The following LRRC37A2 variants were observed in gnomAD, a reference collection of about 807,000 sequenced individuals.
The protein encoded by LRRC37A2 is leucine-rich repeat-containing protein 37A2.
A neutral mutation model predicts 68.8 loss-of-function variants in LRRC37A2; 9 were observed. The observed-to-expected ratio is 0.13, with a 90% CI of 0.08 to 0.23. The LOEUF is 0.23. LRRC37A2 is among the 10% of genes least tolerant of loss of function. The probability of loss-of-function intolerance (pLI) is 1.00; values close to 1 mark genes in which losing one functional copy is unlikely to be tolerated. For synonymous variants in LRRC37A2, 63 were observed against 367.6 expected (o/e 0.17, Z 9.48); for missense variants, 168 against 950.4 (o/e 0.18, Z 10.82).
chr17:46,875,359 G>T, the LRRC37A2 span: 2 of 1,600,416 alleles, frequency 1.2e-6, no homozygotes, highest in Non-Finnish European at 8.5e-7. Context: ...ACCCACGTGG[G>T]CATCAAGGTG....
the LRRC37A2 span, among the ~76,000 whole-genome samples, chr17:46,840,655 C>T: frequency 6.6e-6 from 1 of 152,200 alleles, no homozygotes; most frequent in South Asian, 2.1e-4. Flanking sequence ...ACATCCTTTC[C>T]TGCATCTGTT....
chr17:46,597,788 CTTTTTTTTTT>C, the LRRC37A2 span, among the ~76,000 whole-genome samples: 95 of 44,218 alleles, frequency 2.1e-3, no homozygotes, highest in African/African-American at 4.5e-3. Context: ...TTGCAATACT[CTTTTTTTTTT>C]TTTTTTTTTT....
At chr17:46,940,624 C>A in the LRRC37A2 span, 1 of 1,614,128 alleles carries the variant, frequency 6.2e-7, no homozygotes, top group South Asian at 1.1e-5. Context: ...GCCATTTGTT[C>A]TTGAACTCTG....
chr17:46,849,281 A>T, the LRRC37A2 span, among the ~76,000 whole-genome samples: 20 of 152,238 alleles, frequency 1.3e-4, no homozygotes, highest in African/African-American at 4.6e-4. Flanking sequence ...AGGCTTACCC[A>T]TCAGACATCA....
At chr17:46,868,194 A>C in the LRRC37A2 span, among the ~76,000 whole-genome samples, 2 of 152,226 alleles carry the variant, frequency 1.3e-5, no homozygotes, top group Non-Finnish European at 1.5e-5. Flanking sequence ...GCAATTAGCA[A>C]GTTGGCAAAC....
At chr17:46,864,394 T>C in the LRRC37A2 span, among the ~76,000 whole-genome samples, 1 of 152,162 alleles carries the variant, frequency 6.6e-6, no homozygotes, top group African/African-American at 2.4e-5. Context: ...CTTCCCTCTA[T>C]CTAGCCAAGT....
chr17:46,833,534 G>C, the LRRC37A2 span: 1 of 425,612 alleles, frequency 2.3e-6, no homozygotes, highest in Admixed American at 2.5e-5. Flanking sequence ...CCGAGACACT[G>C]CTGGAGGCCG....
At chr17:46,690,611 C>A in the LRRC37A2 span, among the ~76,000 whole-genome samples, 573 of 91,488 alleles carry the variant, frequency 6.3e-3, no homozygotes, top group African/African-American at 7.4e-3. Context: ...GACTCCGTCT[C>A]AAAAAAAAAA....
chr17:46,930,944 A>AT, the LRRC37A2 span: 2 of 639,140 alleles, frequency 3.1e-6, no homozygotes, highest in Non-Finnish European at 5.6e-6. Context: ...CCTAACTTGA[A>AT]TTTTTTCTGT....
At chr17:46,991,973 T>C in the LRRC37A2 span, among the ~76,000 whole-genome samples, 1 of 152,212 alleles carries the variant, frequency 6.6e-6, no homozygotes, top group Non-Finnish European at 1.5e-5. Context: ...TGGTTTATAA[T>C]GATATAAAAA....
chr17:46,791,135 A>G, the LRRC37A2 span, among the ~76,000 whole-genome samples: 1,068 of 152,114 alleles, frequency 7.0e-3, 8 homozygotes, highest in Non-Finnish European at 0.01. Context: ...CCTTTTCCCT[A>G]CTGGGTTGGG....
At chr17:47,011,751 C>A in the LRRC37A2 span, among the ~76,000 whole-genome samples, 1 of 151,812 alleles carries the variant, frequency 6.6e-6, no homozygotes, top group Non-Finnish European at 1.5e-5. Context: ...CAATACAGAC[C>A]AGTAATTTTA....
chr17:46,605,372 T>C, the LRRC37A2 span, among the ~76,000 whole-genome samples: 2,548 of 112,968 alleles, frequency 0.023, 3 homozygotes, highest in African/African-American at 0.084. Context: ...TGCTTGAACC[T>C]GGGAGGTGGA....
the LRRC37A2 span, among the ~76,000 whole-genome samples, chr17:46,992,459 C>T: frequency 1.1e-4 from 16 of 152,146 alleles, no homozygotes; most frequent in African/African-American, 3.9e-4. Flanking sequence ...AAGCTCAGGC[C>T]ACTCCAGATG....
chr17:46,825,789 C>T, the LRRC37A2 span, among the ~76,000 whole-genome samples: 5 of 152,136 alleles, frequency 3.3e-5, no homozygotes, highest in Admixed American at 6.5e-5. Flanking sequence ...TTTGGGAGGC[C>T]GAGGTGGGCG....
chr17:46,994,900 T>C, the LRRC37A2 span, among the ~76,000 whole-genome samples: 1 of 152,152 alleles, frequency 6.6e-6, no homozygotes, highest in Non-Finnish European at 1.5e-5. Context: ...AGTGGGTGGA[T>C]TGCTTGAGTC....
the LRRC37A2 span, among the ~76,000 whole-genome samples, chr17:46,823,223 A>ATATATT: frequency 7.4e-6 from 1 of 135,024 alleles, no homozygotes; most frequent in African/African-American, 2.8e-5. Flanking sequence ...TATATATTAT[A>ATATATT]TATATAGAAA....
the LRRC37A2 span, among the ~76,000 whole-genome samples, chr17:47,038,883 AG>A: frequency 7.5e-6 from 1 of 133,190 alleles, no homozygotes; most frequent in Non-Finnish European, 1.6e-5. Context: ...TAGTAGAGAC[AG>A]GGTTTCACCA....
chr17:46,929,423 A>G, the LRRC37A2 span: 1 of 757,878 alleles, frequency 1.3e-6, no homozygotes, highest in African/African-American at 1.7e-5. Context: ...TGTCGATTTA[A>G]ATCAGTTACA....
Sources: gnomAD v4.1 joint callset for allele counts (sites outside exome capture counted in the v4.1 genomes callset) on GRCh38, gnomAD v4.1.1 for gene constraint, MANE v1.5 for transcripts, NCBI Gene and HGNC (gene_info 2026-07-23, HGNC 2026-07-21) for gene names.